Variants in FRMPD4 observed in about 807,000 individuals in gnomAD.
FRMPD4 encodes the protein FERM and PDZ domain containing 4.
FRMPD4 carries 22 observed loss-of-function variants against 94.1 expected under a neutral mutation model. The observed-to-expected ratio is 0.23, with a 90% CI of 0.17 to 0.33. The LOEUF (loss-of-function observed/expected upper bound fraction) is 0.33. Ranked by LOEUF, FRMPD4 falls within the 10% of genes least tolerant of loss-of-function variation. FRMPD4 has a pLI of 1.00. For synonymous variants in FRMPD4, 631 were observed against 548.6 expected, an observed-to-expected ratio of 1.15 and a Z score of -2.10; for missense variants, 1,111 against 1,339.9, an observed-to-expected ratio of 0.83 and a Z score of 2.67.
At chrX:11,918,456 T>G (rs1017365875) in intron 3 of FRMPD4, among the ~76,000 whole-genome samples, 6 of 109,885 alleles carry the variant, frequency 5.5e-5, no homozygotes, top group African/African-American at 2.0e-4. Flanking sequence ...AATACAAAAT[T>G]AGCCAGGCGT....
chrX:11,948,321 C>T (rs1477994540), intron 3 of FRMPD4, among the ~76,000 whole-genome samples: 9 of 110,339 alleles, frequency 8.2e-5, no homozygotes, highest in Admixed American at 4.8e-4. Flanking sequence ...GTGGAGTCCT[C>T]ATGAATGGGA....
chrX:12,261,775 G>A (rs1421948064), intron 1 of FRMPD4, among the ~76,000 whole-genome samples: 4 of 111,529 alleles, frequency 3.6e-5, no homozygotes, highest in Admixed American at 1.9e-4. Flanking sequence ...TTTATGAGTC[G>A]CCTATATGCC....
At chrX:11,980,858 G>GTT (rs1260899682) in intron 3 of FRMPD4, among the ~76,000 whole-genome samples, 10 of 107,773 alleles carry the variant, frequency 9.3e-5, no homozygotes, top group African/African-American at 3.4e-4. Flanking sequence ...TCCAGACATG[G>GTT]TTTTTTTTTT....
At chrX:12,692,304 T>C (rs2060087421) in intron 8 of FRMPD4, among the ~76,000 whole-genome samples, 1 of 112,403 alleles carries the variant, frequency 8.9e-6, no homozygotes, top group Admixed American at 9.4e-5. Flanking sequence ...AGTGAAGTGC[T>C]AAAAATCTCT....
intron 2 of FRMPD4, among the ~76,000 whole-genome samples, chrX:12,521,909 T>TTA (rs757460745): frequency 3.9e-5 from 4 of 101,499 alleles, no homozygotes; most frequent in African/African-American, 1.4e-4. Flanking sequence ...TGAAGAAAGA[T>TTA]AAAAAAAAAA....
chrX:12,065,065 TG>T (rs2054910637), intron 3 of FRMPD4, among the ~76,000 whole-genome samples: 1 of 112,431 alleles, frequency 8.9e-6, no homozygotes, highest in Non-Finnish European at 1.9e-5. Context: ...TTGTGTAGTT[TG>T]TTAAAGGATG....
At chrX:11,948,315 A>G (rs2054201646) in intron 3 of FRMPD4, among the ~76,000 whole-genome samples, 1 of 110,303 alleles carries the variant, frequency 9.1e-6, no homozygotes, top group South Asian at 3.9e-4. Flanking sequence ...ATGAGGGTGG[A>G]GTCCTCATGA....
intron 2 of FRMPD4, among the ~76,000 whole-genome samples, chrX:12,522,533 A>C (rs1346877260): frequency 9.0e-6 from 1 of 110,683 alleles, no homozygotes; most frequent in Non-Finnish European, 1.9e-5. Context: ...GGAAGATTAC[A>C]ATTTATAAAC....
intron 2 of FRMPD4, among the ~76,000 whole-genome samples, chrX:12,544,632 G>A (rs999109777): frequency 2.7e-5 from 3 of 111,656 alleles, no homozygotes; most frequent in African/African-American, 9.8e-5. Flanking sequence ...GACATCTAAG[G>A]TGATTCTTCT....
chrX:12,340,372 A>G (rs1353655465), intron 1 of FRMPD4, among the ~76,000 whole-genome samples: 3 of 97,206 alleles, frequency 3.1e-5, no homozygotes, highest in Non-Finnish European at 5.6e-5. Context: ...GCTTTATATG[A>G]GAGAAGAGAG....
At chrX:11,993,931 AT>A (rs1294059005) in intron 3 of FRMPD4, among the ~76,000 whole-genome samples, 4 of 110,675 alleles carry the variant, frequency 3.6e-5, no homozygotes, top group African/African-American at 9.8e-5. Flanking sequence ...AGGTTTCCTG[AT>A]TTTTTTTTCC....
chrX:12,461,531 C>T (rs1250704319), intron 1 of FRMPD4, among the ~76,000 whole-genome samples: 2 of 111,698 alleles, frequency 1.8e-5, no homozygotes, highest in Non-Finnish European at 3.8e-5. Flanking sequence ...AGTGAATTCC[C>T]TTAAATAGCT....
chrX:12,478,790 T>A (rs1305997177), intron 1 of FRMPD4, among the ~76,000 whole-genome samples: 3 of 112,008 alleles, frequency 2.7e-5, no homozygotes, highest in African/African-American at 9.7e-5. Context: ...ATCTTTGAAA[T>A]GGGGATAGGA....
intron 1 of FRMPD4, among the ~76,000 whole-genome samples, chrX:12,246,444 C>G (rs779505070): frequency 3.6e-5 from 4 of 111,406 alleles, no homozygotes; most frequent in Admixed American, 9.5e-5. Flanking sequence ...ATTGCTTCAT[C>G]GATAGTCCAG....
At chrX:12,189,266 T>A (rs1047596092) in intron 1 of FRMPD4, among the ~76,000 whole-genome samples, 2 of 111,568 alleles carry the variant, frequency 1.8e-5, no homozygotes, top group Admixed American at 1.9e-4. Context: ...TTATAGACAT[T>A]GAATCAGTAA....
intron 1 of FRMPD4, among the ~76,000 whole-genome samples, chrX:12,357,753 A>G (rs2147985926): frequency 8.9e-6 from 1 of 112,341 alleles, no homozygotes; most frequent in South Asian, 3.7e-4. Flanking sequence ...TGATTATTTT[A>G]AACAACTTTA....
At chrX:11,964,875 A>G (rs1386273178) in intron 3 of FRMPD4, among the ~76,000 whole-genome samples, 2 of 112,891 alleles carry the variant, frequency 1.8e-5, no homozygotes, top group Non-Finnish European at 3.7e-5. Context: ...TGGGGGCTCT[A>G]GAAGAGAATC....
chrX:12,653,165 G>C (rs1304622992), intron 4 of FRMPD4, among the ~76,000 whole-genome samples: 2 of 111,725 alleles, frequency 1.8e-5, no homozygotes, highest in African/African-American at 6.5e-5. Flanking sequence ...TATCTCACAG[G>C]CTGCTGTGAT....
At chrX:12,713,338 G>A (rs2042020890) in intron 14 of FRMPD4, among the ~76,000 whole-genome samples, 1 of 111,187 alleles carries the variant, frequency 9.0e-6, no homozygotes, top group African/African-American at 3.3e-5. Context: ...CACAACATAA[G>A]GTTTAATAGA....
Sources: gnomAD v4.1 joint callset for allele counts (sites outside exome capture counted in the v4.1 genomes callset) on GRCh38, gnomAD v4.1.1 for gene constraint, MANE v1.5 for transcripts, NCBI Gene and HGNC (gene_info 2026-07-23, HGNC 2026-07-21) for gene names.